The following PFAS variants were observed in gnomAD, a reference collection of about 807,000 sequenced individuals.
The protein encoded by PFAS is phosphoribosylformylglycinamidine synthase.
Under a neutral mutation model 140.6 loss-of-function variants are expected in PFAS, and 97 were observed. The ratio of observed to expected loss-of-function variants is 0.69; its 90% CI spans 0.59 to 0.82. The LOEUF is 0.82. PFAS is among the 40% of genes least tolerant of loss of function. The probability of loss-of-function intolerance (pLI) is 0.00; values close to 1 mark genes in which losing one functional copy is unlikely to be tolerated. For synonymous variants in PFAS, 679 were observed against 718.8 expected (o/e 0.94, Z 0.88); for missense variants, 1,656 against 1,780.2 (o/e 0.93, Z 1.26).
chr17:8,256,246 TCCCTGCATCGCC>T lies in PFAS; in HGVS notation c.681-13_681-2del, dbSNP rs1196949631. ...GACCCCGTTTCCACCTGCCTTCCCC[TCCCTGCATCGCC>T]CCCTGCAGCGAGCACAGCCGACACT... On this transcript the variant is annotated splice_polypyrimidine_tract_variant and intron_variant, in intron 6 of 27. Transcript: ENST00000314666. 6.2e-7 allele frequency: 1 copy of T among 1,611,310 alleles called. No individual in the cohort carries two copies. The highest frequency in any genetic ancestry group is 8.5e-7 in the Non-Finnish European group (1 of 1,178,824).
chr17:8,265,353 G>A lies in PFAS; in HGVS notation c.2346G>A (p.Ala782=), dbSNP rs754334804. 22 of 1,614,034 alleles carry A rather than the reference G, an allele frequency of 1.4e-5. No homozygotes were observed. The highest frequency in any genetic ancestry group is 3.3e-4 in the Middle Eastern group (2 of 6,034). ...TCCCAGGGGAGGGCGCAGCTTTGGC[G>A]GATGCCTGTGAGGCTATGGTGGCAG... is the stretch of plus-strand genomic sequence containing the variant. ...AKLPGEGAAL[A]DACEAMVAVM... The change falls in exon 19 of 28, where the codon GCG becomes GCA. Residue 782 remains alanine, a synonymous_variant. Transcript: ENST00000314666.
upstream of PFAS, among the ~76,000 whole-genome samples, chr17:8,248,708 C>T (rs982982635): frequency 6.6e-6 from 1 of 152,130 alleles, no homozygotes; most frequent in African/African-American, 2.4e-5. Context: ...CAGGCTTGCA[C>T]CGCCACACCC....
At chr17:8,248,097 T>C (rs914351093), upstream of PFAS, 2 of 229,460 alleles carry the variant, frequency 8.7e-6, no homozygotes, top group East Asian at 9.8e-5. Context: ...GGGATGGGGG[T>C]GGGGGGGCGC....
chr17:8,258,211 C>T lies in PFAS; in HGVS notation c.1336+12C>T, dbSNP rs749412089. 19 of 1,613,390 alleles carry T rather than the reference C, an allele frequency of 1.2e-5. No individual in the cohort carries two copies. Among genetic ancestry groups the T allele is most frequent in the Admixed American group, 1.0e-4 (6 of 59,984 alleles). On this transcript the variant is annotated intron_variant, in intron 11 of 27. Coordinates refer to ENST00000314666, the MANE Select transcript of PFAS (RefSeq NM_012393.3). ...GGCCCCAGAGCCAGGTAAGAGCCTG[C>T]CACCTTTCTCTGGATCCAGCCAGCT... is the stretch of plus-strand genomic sequence containing the variant.
rs780341545 is a variant in PFAS at position 8,255,115 on chromosome 17, C to T, written c.367C>T (p.Arg123Trp). The T allele has an allele frequency of 6.2e-6, 10 of 1,611,260 alleles. No individual in the cohort carries two copies. The highest frequency in any genetic ancestry group is 2.2e-5 in the South Asian group (2 of 91,038). ...GCCTGTGGATCGTGTGGAGACCACCCGGCGCTACCGGCTCTCGGTGAGGTG... is the reference window on the plus strand; with the variant it reads ...GCCTGTGGATCGTGTGGAGACCACCTGGCGCTACCGGCTCTCGGTGAGGTG... ...LGPVDRVETT[R>W]RYRLSFAHPP... Residue 123 changes from arginine to tryptophan, a missense_variant, in exon 4 of 28, where the codon CGG (arginine) becomes TGG (tryptophan). By Grantham distance (101) the Arg-to-Trp change is moderately radical. This residue lies in a region of PFAS where 773 missense variants were observed against 757.3 expected (regional missense o/e 1.02). Transcript: ENST00000314666.
In PFAS at chr17:8,256,273, C is replaced by T. The variant is rs200924377; in HGVS notation, c.687C>T (p.His229=). The stretch of plus-strand genomic sequence containing the variant: ...CCTGCATCGCCCCCTGCAGCGAGCA[C>T]AGCCGACACTGGTTCTTCAAGGGCC... ...AFDLAQSNSE[H]SRHWFFKGQL... is the part of the protein sequence containing the mutation. Residue 229 remains histidine, a synonymous_variant, in exon 7 of 28, where the codon CAC becomes CAT. Coordinates refer to ENST00000314666, the MANE Select transcript of PFAS (RefSeq NM_012393.3). 1.7e-5 allele frequency: 27 copies of T among 1,613,912 alleles called. No individual in the cohort carries two copies. The highest frequency in any genetic ancestry group is 1.7e-4 in the Middle Eastern group (1 of 6,000).
Position 8,258,217 on chromosome 17 carries a change from T to G in PFAS, c.1336+18T>G, listed in dbSNP as rs771322972. ...AGAGCCAGGTAAGAGCCTGCCACCT[T>G]TCTCTGGATCCAGCCAGCTTTCTCC... On this transcript the variant is annotated intron_variant, in intron 11 of 27. Coordinates refer to ENST00000314666, the MANE Select transcript of PFAS (RefSeq NM_012393.3). 10 of 1,613,112 alleles carry G rather than the reference T, an allele frequency of 6.2e-6. No homozygotes were observed. Among genetic ancestry groups the G allele is most frequent in the South Asian group, 1.1e-5 (1 of 91,040 alleles).
In PFAS at chr17:8,266,121, C is replaced by G; in HGVS notation, c.2701+104C>G. ...AAAGGGACTCCAATGGACGATGTAC[C>G]CCAGATCCCCTGACATTCTGACACA... On this transcript the variant is annotated intron_variant, in intron 21 of 27. Coordinates refer to ENST00000314666, the MANE Select transcript of PFAS (RefSeq NM_012393.3). This position sits in a 1 kb window ranked among gnomAD's most constrained non-coding sequence, Gnocchi z 5.0. The G allele has an allele frequency of 5.2e-6, 8 of 1,541,700 alleles. No individual in the cohort carries two copies. Among genetic ancestry groups the G allele is most frequent in the Non-Finnish European group, 7.1e-6 (8 of 1,132,616 alleles).
intron 17 of PFAS, 47 bp from the exon 18 acceptor site, chr17:8,264,848 G>A (rs1465017263): frequency 5.5e-5 from 74 of 1,353,368 alleles, no homozygotes; most frequent in Non-Finnish European, 7.4e-5. Context: ...GGGAGCTCAG[G>A]CTGTCCCTGT....
intron 11 of PFAS, among the ~76,000 whole-genome samples, chr17:8,261,759 G>A (rs1448594550): frequency 2.0e-5 from 3 of 151,604 alleles, no homozygotes; most frequent in East Asian, 3.9e-4. Flanking sequence ...TACAAGCTCC[G>A]GCCACCATGC....
upstream of PFAS, chr17:8,248,053 GC>G: frequency 9.2e-7 from 1 of 1,088,662 alleles, no homozygotes; most frequent in Non-Finnish European, 1.3e-6. Flanking sequence ...CCGGAGCTCC[GC>G]CCCCGGGAGG....
chr17:8,255,739 G>T lies in PFAS; in HGVS notation c.574+48G>T, dbSNP rs770906866. On this transcript the variant is annotated intron_variant, in intron 5 of 27. Coordinates refer to ENST00000314666, the MANE Select transcript of PFAS (RefSeq NM_012393.3). Reference sequence around the variant, plus strand: ...GTAGGGTCCAGGATAGGCCAGTAGGGGTGCTGAGATCTGGAATGTGGCTGC... The same window carrying T: ...GTAGGGTCCAGGATAGGCCAGTAGGTGTGCTGAGATCTGGAATGTGGCTGC... The T allele has an allele frequency of 1.9e-6, 3 of 1,603,586 alleles. No homozygotes were observed. The African/African-American group carries it at 4.0e-5, about 21-fold the overall frequency.
At chr17:8,248,167 C>A (rs1988945999), upstream of PFAS, 1 of 721,642 alleles carries the variant, frequency 1.4e-6, no homozygotes, top group South Asian at 1.6e-5. Flanking sequence ...TCGCTGCTCA[C>A]CCCCTCGCTT....
At chr17:8,251,875 G>A (rs149587407) in intron 1 of PFAS, among the ~76,000 whole-genome samples, 96 of 151,896 alleles carry the variant, frequency 6.3e-4, no homozygotes, top group African/African-American at 2.2e-3. Flanking sequence ...GTTTCACCAC[G>A]TTGGCCAGGT....
In PFAS at chr17:8,266,070, G is replaced by T; in HGVS notation, c.2701+53G>T. The T allele has an allele frequency of 6.4e-7, 1 of 1,552,046 alleles. No individual in the cohort carries two copies. Among genetic ancestry groups the T allele is most frequent in the South Asian group, 1.2e-5 (1 of 83,066 alleles). On this transcript the variant is annotated intron_variant, in intron 21 of 27. Transcript: ENST00000314666. This position sits in a 1 kb window ranked among gnomAD's most constrained non-coding sequence, Gnocchi z 5.0. Reference sequence around the variant, plus strand: ...GCACAGGGTGCCAGGCGTGCAGCAGGCGTTCACCATCTGAGCAGTGGGGCA... The same window carrying T: ...GCACAGGGTGCCAGGCGTGCAGCAGTCGTTCACCATCTGAGCAGTGGGGCA...
intron 1 of PFAS, among the ~76,000 whole-genome samples, chr17:8,253,148 G>T (rs934159152): frequency 4.6e-5 from 7 of 152,176 alleles, no homozygotes; most frequent in Non-Finnish European, 1.0e-4. Flanking sequence ...CACCTGAAGT[G>T]CAGGATTGGT....
At chr17:8,253,575 T>C (rs1989241155) in intron 1 of PFAS, among the ~76,000 whole-genome samples, 2 of 152,178 alleles carry the variant, frequency 1.3e-5, no homozygotes, top group Non-Finnish European at 1.5e-5. Context: ...GTTTTGCTCT[T>C]GTTGCCCAGG....
In PFAS at chr17:8,269,968, C is replaced by T. The variant is rs1318134517; in HGVS notation, c.*704C>T. The T allele has an allele frequency of 1.3e-5, 2 of 151,710 alleles. No individual in the cohort carries two copies. The highest frequency in any genetic ancestry group is 3.9e-4 in the East Asian group (2 of 5,194). 9.4% of individuals were successfully genotyped at this position (151,710 alleles called of 1,614,324 possible). A position where few individuals can be genotyped will look rare whatever the true frequency, so the allele number is the denominator to read the frequency against. Reference sequence around the variant, plus strand: ...TCTCGGCCCACTGCAACCTCTGCCTCCTGGGTTCAAGCAATTTTCCTGCCT... The same window carrying T: ...TCTCGGCCCACTGCAACCTCTGCCTTCTGGGTTCAAGCAATTTTCCTGCCT... On this transcript the variant is annotated 3_prime_UTR_variant, in exon 28 of 28. Transcript: ENST00000314666.
intron 1 of PFAS, among the ~76,000 whole-genome samples, chr17:8,251,668 C>CTTTTTTTTT (rs71159571): frequency 1.2e-5 from 1 of 84,344 alleles, no homozygotes; most frequent in African/African-American, 3.9e-5. Context: ...TTAAGCAATT[C>CTTTTTTTTT]TTTTTTTTTT....
Sources: gnomAD v4.1 joint callset for allele counts (sites outside exome capture counted in the v4.1 genomes callset) on GRCh38, gnomAD v4.1.1 for gene constraint, gnomAD v4.1.1 regional missense constraint, Gnocchi (gnomAD v3.1) non-coding constraint, MANE v1.5 for transcripts, NCBI Gene and HGNC (gene_info 2026-07-23, HGNC 2026-07-21) for gene names.